Variants in PCDH15 observed in about 807,000 individuals in gnomAD.
The protein encoded by PCDH15 is protocadherin related 15, also known as protocadherin-15.
PCDH15 carries 129 observed loss-of-function variants against 178.5 expected under a neutral mutation model. That is an observed-to-expected ratio of 0.72 (90% CI 0.63 to 0.84). The LOEUF (loss-of-function observed/expected upper bound fraction) is 0.84. Ranked by LOEUF, PCDH15 falls within the 40% of genes least tolerant of loss-of-function variation. PCDH15 has a pLI of 0.00. For synonymous variants in PCDH15, 800 were observed against 732.0 expected, an observed-to-expected ratio of 1.09 and a Z score of -1.50; for missense variants, 2,230 against 2,099.9, an observed-to-expected ratio of 1.06 and a Z score of -1.21.
chr10:53,975,927 A>G (rs34815508), intron 21 of PCDH15, among the ~76,000 whole-genome samples: 8 of 152,166 alleles, frequency 5.3e-5, no homozygotes, highest in Non-Finnish European at 1.0e-4. Flanking sequence ...TAATTTATTC[A>G]TATCAAAAAA....
intron 1 of PCDH15, among the ~76,000 whole-genome samples, chr10:55,188,702 G>A (rs1477049272): frequency 1.3e-5 from 2 of 151,198 alleles, no homozygotes; most frequent in African/African-American, 4.9e-5. Flanking sequence ...ATAAAGTTAT[G>A]GTCCTTTAAA....
At chr10:55,028,958 C>T (rs181369528) in intron 2 of PCDH15, among the ~76,000 whole-genome samples, 4 of 133,478 alleles carry the variant, frequency 3.0e-5, no homozygotes, top group African/African-American at 1.1e-4. Context: ...ATTTACTTAA[C>T]CATTTTAAAA....
intron 21 of PCDH15, among the ~76,000 whole-genome samples, chr10:53,987,634 G>A (rs2091199418): frequency 6.6e-6 from 1 of 152,138 alleles, no homozygotes; most frequent in Non-Finnish European, 1.5e-5. Flanking sequence ...CATGTCCCCA[G>A]ATGCCTCAGA....
At chr10:54,655,308 G>A (rs891184604) in intron 2 of PCDH15, among the ~76,000 whole-genome samples, 3,324 of 128,798 alleles carry the variant, frequency 0.026, 158 homozygotes, top group African/African-American at 0.087. Context: ...GAGAGACAGA[G>A]AGAGAGACAG....
intron 2 of PCDH15, among the ~76,000 whole-genome samples, chr10:55,028,725 T>G (rs1339137682): frequency 6.6e-6 from 1 of 151,998 alleles, no homozygotes; most frequent in Non-Finnish European, 1.5e-5. Flanking sequence ...CTCTGGCAAA[T>G]TATACAGATT....
chr10:53,810,674 A>C lies in PCDH15; in HGVS notation c.4563-10T>G. 6.2e-7 allele frequency: 1 copy of C among 1,604,846 alleles called. No individual in the cohort carries two copies. Among genetic ancestry groups the C allele is most frequent in the Non-Finnish European group, 8.5e-7 (1 of 1,171,778 alleles). On this transcript the variant is annotated splice_polypyrimidine_tract_variant and intron_variant, in intron 36 of 37. Transcript: ENST00000644397. ...TTGAGGCATTTCATACCTGTAATAT[A>C]AACTTACATCTTTAAACAGTTTGTC...
chr10:55,442,701 T>C (rs7903906), intron 2 of PCDH15, among the ~76,000 whole-genome samples: 5,751 of 151,656 alleles, frequency 0.038, 356 homozygotes, highest in African/African-American at 0.13. Flanking sequence ...TTTATGTAGA[T>C]GCAAAACTGC....
intron 5 of PCDH15, among the ~76,000 whole-genome samples, chr10:54,360,185 C>T (rs977219904): frequency 2.0e-5 from 3 of 152,078 alleles, no homozygotes; most frequent in Non-Finnish European, 4.4e-5. Flanking sequence ...ATCGCCACAT[C>T]AGGAAAATGA....
intron 2 of PCDH15, among the ~76,000 whole-genome samples, chr10:55,155,854 T>C (rs936693429): frequency 2.6e-5 from 4 of 152,228 alleles, no homozygotes; most frequent in Non-Finnish European, 4.4e-5. Flanking sequence ...GCTTTTGATA[T>C]ATATTTTGCT....
At chr10:55,251,618 A>T (rs1841837829) in intron 1 of PCDH15, among the ~76,000 whole-genome samples, 1 of 152,200 alleles carries the variant, frequency 6.6e-6, no homozygotes, top group South Asian at 2.1e-4. Flanking sequence ...TTGGGCTATA[A>T]CAATGAAAAC....
intron 3 of PCDH15, among the ~76,000 whole-genome samples, chr10:54,525,291 G>A (rs886454091): frequency 2.0e-5 from 3 of 152,144 alleles, no homozygotes; most frequent in African/African-American, 7.2e-5. Context: ...GCTGATTAAA[G>A]ATTTGTTAGG....
intron 10 of PCDH15, among the ~76,000 whole-genome samples, chr10:54,208,229 G>T (rs2051031057): frequency 6.6e-6 from 1 of 152,006 alleles, no homozygotes; most frequent in Admixed American, 6.6e-5. Context: ...TCTGTGGGGT[G>T]ATTTTCTCTA....
At position 54,527,821 on chromosome 10, in the gene PCDH15, TTTCTTCATCAATAGCAAC is replaced by T. The variant is rs1419941915; in HGVS notation, c.130_147del (p.Val44_Glu49del). The T allele has an allele frequency of 6.2e-7, 1 of 1,610,102 alleles. No individual in the cohort carries two copies. On this transcript the variant is annotated inframe_deletion, in exon 3 of 38. Coordinates refer to ENST00000644397, the MANE Select transcript of PCDH15 (RefSeq NM_001384140.1). ...TAAAAAACTCACTTACCATTCCGAC[TTTCTTCATCAATAGCAAC>T]TATGGTAGCTGGTGGTCCTCCCCTA...
At chr10:55,426,519 C>T (rs552976484) in intron 2 of PCDH15, among the ~76,000 whole-genome samples, 3 of 152,096 alleles carry the variant, frequency 2.0e-5, no homozygotes, top group Non-Finnish European at 4.4e-5. Context: ...CCCGCAAACC[C>T]GGTAGCCCCA....
intron 2 of PCDH15, among the ~76,000 whole-genome samples, chr10:55,385,569 T>C (rs961089696): frequency 2.0e-5 from 3 of 151,372 alleles, no homozygotes; most frequent in East Asian, 1.9e-4. Context: ...CCAGAATATA[T>C]ATGGCTCTAA....
intron 3 of PCDH15, among the ~76,000 whole-genome samples, chr10:54,474,922 A>G (rs532193934): frequency 3.3e-4 from 50 of 152,126 alleles, no homozygotes; most frequent in African/African-American, 1.2e-3. Context: ...AAGGAATAAA[A>G]ACTAAGTTCT....
At chr10:55,473,522 G>A (rs1357705643) in intron 2 of PCDH15, among the ~76,000 whole-genome samples, 1 of 152,030 alleles carries the variant, frequency 6.6e-6, no homozygotes, top group Admixed American at 6.6e-5. Context: ...TTACAGATTA[G>A]AACACCTTGA....
rs202145254 is a variant in PCDH15 at position 54,655,316 on chromosome 10, CAGAGAAAG to C, written c.91+8848_91+8855del. Among the ~76,000 whole-genome samples the C allele has an allele frequency of 8.7e-3, 690 of 79,150 alleles. 7 individuals carry two copies. Among genetic ancestry groups the C allele is most frequent in the African/African-American group, 0.033 (625 of 19,142 alleles). 51.9% of individuals were successfully genotyped at this position (79,150 alleles called of 152,430 possible). On this transcript the variant is annotated intron_variant, in intron 2 of 37. Transcript: ENST00000644397. ...AGAGAGAGAGAGACAGAGAGAGAGACAGAGAAAGAGAGAAAGAGAGAAAGAAAGAAAGA... is the reference window on the plus strand; with the variant it reads ...AGAGAGAGAGAGACAGAGAGAGAGACAGAGAAAGAGAGAAAGAAAGAAAGA...
intron 1 of PCDH15, among the ~76,000 whole-genome samples, chr10:55,216,232 G>A (rs984112981): frequency 2.0e-5 from 3 of 151,870 alleles, no homozygotes; most frequent in Non-Finnish European, 2.9e-5. Context: ...GATATATGTT[G>A]AAAGTCATAT....
Sources: gnomAD v4.1 joint callset for allele counts (sites outside exome capture counted in the v4.1 genomes callset) on GRCh38, gnomAD v4.1.1 for gene constraint, MANE v1.5 for transcripts, NCBI Gene and HGNC (gene_info 2026-07-23, HGNC 2026-07-21) for gene names.